The following TMED10 variants were observed in gnomAD, a reference collection of about 807,000 sequenced individuals.
TMED10 encodes the protein transmembrane emp24 domain-containing protein 10.
A neutral mutation model predicts 23.1 loss-of-function variants in TMED10; 7 were observed. The observed-to-expected ratio is 0.30, with a 90% CI of 0.17 to 0.57. The LOEUF is 0.57. TMED10 is among the 20% of genes least tolerant of loss of function. The pLI, the probability that TMED10 is intolerant of heterozygous loss-of-function variation, is 0.91. For missense variants in TMED10, 162 were observed against 274.8 expected (o/e 0.59, Z 2.90); for synonymous variants, 113 against 106.9 (o/e 1.06, Z -0.35).
At position 75,133,818 on chromosome 14, in the gene TMED10, T is replaced by A; in HGVS notation, c.*1067A>T. ...CATACCATGGAATACTACTCAGCAA[T>A]CAAAAGGAACTGCCCCCACTTCACC... On this transcript the variant is annotated 3_prime_UTR_variant, in exon 5 of 5. Coordinates refer to ENST00000303575, the MANE Select transcript of TMED10 (RefSeq NM_006827.6). The A allele has an allele frequency of 3.5e-6, 1 of 288,712 alleles. No individual in the cohort carries two copies. Among genetic ancestry groups the A allele is most frequent in the East Asian group, 1.4e-4 (1 of 7,054 alleles). 17.9% of individuals were successfully genotyped at this position (288,712 alleles called of 1,614,324 possible).
Position 75,152,765 on chromosome 14 carries a change from G to C in TMED10, c.226-622C>G, listed in dbSNP as rs117879623. On this transcript the variant is annotated intron_variant, in intron 1 of 4. Transcript: ENST00000303575. Reference sequence around the variant, plus strand: ...AAAGAAGTTTCTGGCCAGGCATGGTGGCTCACGCCTGTAATCCCAAACTTT... The same window carrying C: ...AAAGAAGTTTCTGGCCAGGCATGGTCGCTCACGCCTGTAATCCCAAACTTT... Among the ~76,000 whole-genome samples the C allele has an allele frequency of 6.0e-3, 916 of 152,294 alleles. 60 individuals are homozygous for C. In the East Asian group the frequency reaches 0.16, roughly 26 times the overall value.
rs1895720462 is a variant in TMED10 at position 75,134,188 on chromosome 14, T to TA, written c.*696_*697insT. 6.5e-6 allele frequency: 1 copy of TA among 153,178 alleles called. No individual in the cohort carries two copies. Among genetic ancestry groups the TA allele is most frequent in the South Asian group, 2.0e-4 (1 of 5,086 alleles). 9.5% of individuals were successfully genotyped at this position (153,178 alleles called of 1,614,324 possible). ...TCTGTCTCTTGTGATGGTGGTCACA[T>TA]GAATCTACACATGTGATAATATTGC... is the stretch of plus-strand genomic sequence containing the variant. On this transcript the variant is annotated 3_prime_UTR_variant, in exon 5 of 5. Coordinates refer to ENST00000303575, the MANE Select transcript of TMED10 (RefSeq NM_006827.6).
chr14:75,176,047 CAA>C, intron 1 of TMED10: 1 of 420,494 alleles, frequency 2.4e-6, no homozygotes, highest in Non-Finnish European at 4.4e-6. Context: ...TTTGGAGAAC[CAA>C]ATTACGGTTC....
At chr14:75,139,594 C>A (rs1313320241) in intron 3 of TMED10, among the ~76,000 whole-genome samples, 1 of 150,266 alleles carries the variant, frequency 6.7e-6, no homozygotes, top group Non-Finnish European at 1.5e-5. Flanking sequence ...CAAGATCATG[C>A]CACTATACTC....
At chr14:75,136,193 CTG>C (rs1895747500) in intron 3 of TMED10, among the ~76,000 whole-genome samples, 1 of 152,076 alleles carries the variant, frequency 6.6e-6, no homozygotes, top group African/African-American at 2.4e-5. Context: ...GGGTTTTACT[CTG>C]TTGCCCAGGC....
At chr14:75,174,330 A>G (rs1464221248) in intron 1 of TMED10, among the ~76,000 whole-genome samples, 1 of 152,192 alleles carries the variant, frequency 6.6e-6, no homozygotes, top group Non-Finnish European at 1.5e-5. Flanking sequence ...GCTCAGAAAC[A>G]GATCATGAAG....
chr14:75,147,541 T>G (rs1895901982), intron 3 of TMED10, 123 bp downstream of exon 3: 1 of 1,029,310 alleles, frequency 9.7e-7, no homozygotes, highest in Non-Finnish European at 1.5e-6. Context: ...TGGCTGGCTG[T>G]CACAAGACTG....
At position 75,161,470 on chromosome 14, in the gene TMED10, C is replaced by G. The variant is rs150833660; in HGVS notation, c.226-9327G>C. ...AGACTAAAGAGACATCATTTGTTTTCTGATGAAAGCTCACAAATTTATCTA... is the reference window on the plus strand; with the variant it reads ...AGACTAAAGAGACATCATTTGTTTTGTGATGAAAGCTCACAAATTTATCTA... On this transcript the variant is annotated intron_variant, in intron 1 of 4. Coordinates refer to ENST00000303575, the MANE Select transcript of TMED10 (RefSeq NM_006827.6). 2.7e-3 allele frequency among the ~76,000 whole-genome samples: 412 copies of G among 151,264 alleles called. 3 individuals carry two copies. Among genetic ancestry groups the G allele is most frequent in the African/African-American group, 9.5e-3 (393 of 41,528 alleles).
intron 3 of TMED10, among the ~76,000 whole-genome samples, chr14:75,140,086 C>CCTCA (rs1159647621): frequency 1.3e-5 from 2 of 152,072 alleles, no homozygotes; most frequent in African/African-American, 4.8e-5. Context: ...AGAAGAGGAC[C>CCTCA]CTCACCAGAA....
chr14:75,147,185 G>GTTTTTTTTTTTT lies in TMED10; in HGVS notation c.411+467_411+478dup, dbSNP rs71119349. On this transcript the variant is annotated intron_variant, in intron 3 of 4. Transcript: ENST00000303575. ...ACAGCCAGAATTATTCTTCAAGGCT[G>GTTTTTTTTTTTT]TTTTTTTTTTTTTTTTTTTTTGAGA... Among the ~76,000 whole-genome samples the GTTTTTTTTTTTT allele has an allele frequency of 2.0e-3, 232 of 116,558 alleles. 10 individuals are homozygous for GTTTTTTTTTTTT. Among genetic ancestry groups the GTTTTTTTTTTTT allele is most frequent in the Middle Eastern group, 4.6e-3 (1 of 216 alleles). The allele number at this position is 116,558 out of a possible 152,430, so 76.5% of individuals were successfully genotyped here.
intron 1 of TMED10, among the ~76,000 whole-genome samples, chr14:75,155,989 G>A (rs1270983070): frequency 6.6e-6 from 1 of 152,192 alleles, no homozygotes; most frequent in African/African-American, 2.4e-5. Flanking sequence ...GCCCAGAGAG[G>A]TTAAGTGCCT....
At chr14:75,170,138 A>G (rs1022235231) in intron 1 of TMED10, among the ~76,000 whole-genome samples, 1 of 151,984 alleles carries the variant, frequency 6.6e-6, no homozygotes. Context: ...GAGGCAGGAG[A>G]ATGGTGTGAA....
rs1250524754 is a variant in TMED10, at chr14:75,132,985, T to A, written c.*1900A>T. 1 of 152,258 alleles carries A rather than the reference T, an allele frequency of 6.6e-6. No individual in the cohort carries two copies. The highest frequency in any genetic ancestry group is 1.5e-5 in the Non-Finnish European group (1 of 68,050). 9.4% of individuals were successfully genotyped at this position (152,258 alleles called of 1,614,324 possible). ...TGGTCATTTATATCCACACTTTCTC[T>A]TATTTACATTAGTTTTGGCCCTTAG... On this transcript the variant is annotated 3_prime_UTR_variant, in exon 5 of 5. Transcript: ENST00000303575.
chr14:75,147,903 A>G (rs1895908775), intron 2 of TMED10, 166 bp from the exon 3 acceptor site: 3 of 662,208 alleles, frequency 4.5e-6, no homozygotes, highest in Non-Finnish European at 7.9e-6. Context: ...GCTCTGGCTA[A>G]AATCACAAAC....
At chr14:75,169,428 C>T (rs1162382289) in intron 1 of TMED10, among the ~76,000 whole-genome samples, 4 of 152,102 alleles carry the variant, frequency 2.6e-5, no homozygotes, top group South Asian at 2.1e-4. Flanking sequence ...CTTTGGGAGA[C>T]GGGCGGATCA....
intron 1 of TMED10, among the ~76,000 whole-genome samples, chr14:75,171,806 G>T (rs956742996): frequency 2.9e-5 from 3 of 103,472 alleles, no homozygotes; most frequent in Non-Finnish European, 4.4e-5. Flanking sequence ...GCAGCAATAG[G>T]ACACTAAGAC....
At chr14:75,141,193 TG>T (rs1895818116) in intron 3 of TMED10, among the ~76,000 whole-genome samples, 1 of 152,120 alleles carries the variant, frequency 6.6e-6, no homozygotes, top group Non-Finnish European at 1.5e-5. Context: ...TAACAGGAAG[TG>T]GGTGAGCTGG....
intron 1 of TMED10, among the ~76,000 whole-genome samples, chr14:75,156,907 C>T (rs922278397): frequency 1.9e-4 from 12 of 64,682 alleles, no homozygotes; most frequent in East Asian, 1.0e-3. Flanking sequence ...AGCAAGACTC[C>T]GTCTCAAAAA....
intron 1 of TMED10, among the ~76,000 whole-genome samples, chr14:75,165,631 CTT>C (rs1896151423): frequency 6.6e-6 from 1 of 152,188 alleles, no homozygotes; most frequent in Admixed American, 6.6e-5. Flanking sequence ...TTAAGCTGAT[CTT>C]TTAAACAAAA....
Sources: allele counts gnomAD v4.1 joint callset (sites outside exome capture counted in the v4.1 genomes callset), GRCh38; gene constraint gnomAD v4.1.1; transcripts MANE v1.5; gene names NCBI Gene and HGNC (gene_info 2026-07-23, HGNC 2026-07-21).